Variants in FGD4 observed in about 807,000 individuals in gnomAD.
FGD4 encodes the protein FYVE, RhoGEF and PH domain containing 4, also known as FYVE, RhoGEF and PH domain-containing protein 4.
FGD4 carries 42 observed loss-of-function variants against 102.0 expected under a neutral mutation model. The observed-to-expected ratio is 0.41, with a 90% CI of 0.32 to 0.53. The LOEUF is 0.53. Among genes scored for constraint, FGD4 ranks in the 20% least tolerant of loss-of-function variants. The probability of loss-of-function intolerance (pLI) is 0.21; values close to 1 mark genes in which losing one functional copy is unlikely to be tolerated. For missense variants in FGD4, 902 were observed against 1,078.2 expected (o/e 0.84, Z 2.29); for synonymous variants, 380 against 375.7 (o/e 1.01, Z -0.13).
At chr12:32,422,288 C>CTGTTTTTTTT (rs1941661634) in intron 1 of FGD4, among the ~76,000 whole-genome samples, 1 of 54,154 alleles carries the variant, frequency 1.8e-5, no homozygotes, top group Non-Finnish European at 3.3e-5. Context: ...TTGGGAGCTG[C>CTGTTTTTTTT]TTTTTTTTTT....
chr12:32,618,847 T>A (rs1449581577), intron 10 of FGD4, among the ~76,000 whole-genome samples: 1 of 152,130 alleles, frequency 6.6e-6, no homozygotes, highest in Non-Finnish European at 1.5e-5. Flanking sequence ...GTTTCTATAG[T>A]CCCACCTACT....
At chr12:32,505,908 C>T (rs543300887) in intron 1 of FGD4, among the ~76,000 whole-genome samples, 6 of 152,286 alleles carry the variant, frequency 3.9e-5, no homozygotes, top group Middle Eastern at 3.4e-3. Context: ...GGCAAACAGA[C>T]TGAATCTCTT....
At chr12:32,615,968 G>A (rs1368052626) in intron 10 of FGD4, among the ~76,000 whole-genome samples, 1 of 152,108 alleles carries the variant, frequency 6.6e-6, no homozygotes, top group Non-Finnish European at 1.5e-5. Context: ...CTCTCTCTAG[G>A]AATCGGGTAA....
chr12:32,448,988 A>G (rs1404492912), intron 1 of FGD4, among the ~76,000 whole-genome samples: 2 of 152,236 alleles, frequency 1.3e-5, no homozygotes, highest in African/African-American at 2.4e-5. Flanking sequence ...AATCATCTTC[A>G]TAATGCTCTT....
intron 1 of FGD4, among the ~76,000 whole-genome samples, chr12:32,436,468 A>G (rs1942231356): frequency 6.6e-6 from 1 of 152,200 alleles, no homozygotes; most frequent in African/African-American, 2.4e-5. Context: ...CTGCAATAAA[A>G]GACTGCACAG....
rs1022309664 is a variant in FGD4 at position 32,410,939 on chromosome 12, T to C, written c.166+10980T>C. Among the ~76,000 whole-genome samples the C allele has an allele frequency of 1.4e-3, 216 of 149,610 alleles. 1 individual carries two copies. The highest frequency in any genetic ancestry group is 5.0e-3 in the African/African-American group (203 of 40,594). ...TGAACTCTTTTTTTTTTCTTTTTTT[T>C]TTTTTTTTTGAGATAGAGTCTCACT... is the stretch of plus-strand genomic sequence containing the variant. On this transcript the variant is annotated intron_variant, in intron 1 of 16. Coordinates refer to ENST00000534526, the MANE Select transcript of FGD4 (RefSeq NM_001370298.3).
chr12:32,443,159 C>G (rs575452948), intron 1 of FGD4, among the ~76,000 whole-genome samples: 1 of 152,224 alleles, frequency 6.6e-6, no homozygotes, highest in Non-Finnish European at 1.5e-5. Context: ...TGTGCAGAAG[C>G]TTTTTAGTTT....
intron 1 of FGD4, among the ~76,000 whole-genome samples, chr12:32,475,062 C>T (rs1022751003): frequency 6.6e-6 from 1 of 152,176 alleles, no homozygotes; most frequent in African/African-American, 2.4e-5. Flanking sequence ...TTCACTGGTG[C>T]ATAGCATTTC....
Position 32,644,560 on chromosome 12 carries a change from T to A in FGD4, c.*4027T>A, listed in dbSNP as rs1477840115. On this transcript the variant is annotated 3_prime_UTR_variant, in exon 17 of 17. Transcript: ENST00000534526. Reference sequence around the variant, plus strand: ...TCCTTATATATACCCCTTAATCACGTAGTCATGAGAAGATAACTTTGCTTT... The same window carrying A: ...TCCTTATATATACCCCTTAATCACGAAGTCATGAGAAGATAACTTTGCTTT... 6.6e-6 allele frequency: 1 copy of A among 152,160 alleles called. No homozygotes were observed. Among genetic ancestry groups the A allele is most frequent in the African/African-American group, 2.4e-5 (1 of 41,440 alleles). 9.4% of individuals were successfully genotyped at this position (152,160 alleles called of 1,614,324 possible). A position where few individuals can be genotyped will look rare whatever the true frequency, so the allele number is the denominator to read the frequency against.
chr12:32,629,123 G>C (rs73085442), intron 14 of FGD4, among the ~76,000 whole-genome samples: 13,389 of 152,214 alleles, frequency 0.088, 732 homozygotes, highest in Middle Eastern at 0.19. Context: ...GGCTGGAATG[G>C]TGTAGGTAGG....
In FGD4 at chr12:32,587,414, G is replaced by A. The variant is rs562133968; in HGVS notation, c.1011+4947G>A. The stretch of plus-strand genomic sequence containing the variant: ...TTTATTTATTTTGAGACAGGGTCTC[G>A]GTCTGTTGCCCAGGCTGCCAGGCTG... On this transcript the variant is annotated intron_variant, in intron 4 of 16. Coordinates refer to ENST00000534526, the MANE Select transcript of FGD4 (RefSeq NM_001370298.3). Among the ~76,000 whole-genome samples the A allele has an allele frequency of 2.8e-4, 42 of 151,644 alleles. No homozygotes were observed. The South Asian group carries it at 8.6e-3, about 31-fold the overall frequency.
At chr12:32,501,624 A>G (rs1938223821) in intron 1 of FGD4, among the ~76,000 whole-genome samples, 1 of 152,350 alleles carries the variant, frequency 6.6e-6, no homozygotes, top group East Asian at 1.9e-4. Flanking sequence ...AGAAATTATT[A>G]TTTTATAACA....
intron 10 of FGD4, among the ~76,000 whole-genome samples, chr12:32,618,987 C>T (rs920763065): frequency 2.2e-4 from 34 of 152,278 alleles, no homozygotes; most frequent in Admixed American, 8.5e-4. Flanking sequence ...TGTCTTCTAA[C>T]ACCTTGTTTT....
intron 8 of FGD4, 79 bp from the exon 9 acceptor site, chr12:32,610,697 A>G: frequency 7.5e-7 from 1 of 1,324,862 alleles, no homozygotes; most frequent in South Asian, 1.2e-5. Context: ...AGACTTCTTA[A>G]TTTAGTAAGT....
intron 4 of FGD4, among the ~76,000 whole-genome samples, chr12:32,592,034 T>C (rs1222435312): frequency 6.6e-6 from 1 of 152,190 alleles, no homozygotes; most frequent in Non-Finnish European, 1.5e-5. Context: ...TTTCAATTTA[T>C]GAGTATAGCA....
At chr12:32,620,520 C>CTTTCTTTCTTTCTTTT (rs1949747434) in intron 11 of FGD4, among the ~76,000 whole-genome samples, 21 of 91,130 alleles carry the variant, frequency 2.3e-4, no homozygotes, top group South Asian at 8.3e-4. Context: ...TTTTTTCTTT[C>CTTTCTTTCTTTCTTTT]TTTTTTTTTT....
At chr12:32,517,564 T>C (rs1940026048) in intron 1 of FGD4, among the ~76,000 whole-genome samples, 1 of 152,192 alleles carries the variant, frequency 6.6e-6, no homozygotes, top group Non-Finnish European at 1.5e-5. Flanking sequence ...CAGGATTAGG[T>C]AGTCTTCGTA....
At chr12:32,516,258 G>C (rs1191579032) in intron 1 of FGD4, among the ~76,000 whole-genome samples, 1 of 152,128 alleles carries the variant, frequency 6.6e-6, no homozygotes, top group Non-Finnish European at 1.5e-5. Context: ...AGACTCCTGA[G>C]CATCTGAGGC....
Position 32,484,128 on chromosome 12 carries a change from C to G in FGD4, c.167-80009C>G, listed in dbSNP as rs191246772. ...TCTGAAGTGTGCATATCTTGTCTGC[C>G]TCATATAGTATGGCTTTATCTTGAC... On this transcript the variant is annotated intron_variant, in intron 1 of 16. Coordinates refer to ENST00000534526, the MANE Select transcript of FGD4 (RefSeq NM_001370298.3). Among the ~76,000 whole-genome samples, 9 of 152,198 alleles carry G rather than the reference C, an allele frequency of 5.9e-5. No individual in the cohort carries two copies. In the East Asian group the frequency reaches 1.7e-3, roughly 29 times the overall value.
Sources: allele counts gnomAD v4.1 joint callset (sites outside exome capture counted in the v4.1 genomes callset), GRCh38; gene constraint gnomAD v4.1.1; transcripts MANE v1.5; gene names NCBI Gene and HGNC (gene_info 2026-07-23, HGNC 2026-07-21).